The following DSCAM variants were observed in gnomAD, a reference collection of about 807,000 sequenced individuals.
The protein encoded by DSCAM is DS cell adhesion molecule.
A neutral mutation model predicts 217.7 loss-of-function variants in DSCAM; 47 were observed. The ratio of observed to expected loss-of-function variants is 0.22; its 90% CI spans 0.17 to 0.28. The LOEUF (loss-of-function observed/expected upper bound fraction) is 0.28, where lower values mean the gene tolerates loss of function less well. DSCAM is among the 10% of genes least tolerant of loss of function. DSCAM has a pLI of 1.00. For synonymous variants in DSCAM, 1,056 were observed against 1,015.3 expected (o/e 1.04, Z -0.76); for missense variants, 2,080 against 2,618.3 (o/e 0.79, Z 4.49).
At chr21:40,446,778 A>G (rs942247649) in intron 3 of DSCAM, among the ~76,000 whole-genome samples, 8 of 152,222 alleles carry the variant, frequency 5.3e-5, no homozygotes, top group African/African-American at 1.9e-4. Context: ...TAGAGCAACC[A>G]CATGTTCCCT....
intron 3 of DSCAM, among the ~76,000 whole-genome samples, chr21:40,597,235 G>A (rs1257663050): frequency 6.6e-6 from 1 of 152,108 alleles, no homozygotes; most frequent in East Asian, 1.9e-4. Context: ...TGACTGGAGG[G>A]CACTGCTACA....
At chr21:40,176,379 T>G (rs2090731325) in intron 15 of DSCAM, among the ~76,000 whole-genome samples, 2 of 151,500 alleles carry the variant, frequency 1.3e-5, no homozygotes, top group African/African-American at 4.9e-5. Flanking sequence ...TAAAAGTGAG[T>G]GGGCTGACAG....
At chr21:40,638,592 T>G (rs764887) in intron 3 of DSCAM, among the ~76,000 whole-genome samples, 76,461 of 151,956 alleles carry the variant, frequency 0.5, 19,340 homozygotes, top group Admixed American at 0.58. Context: ...TCGTTTCCTC[T>G]GCTCTTGCAT....
chr21:40,561,994 C>A (rs1239797579), intron 3 of DSCAM, among the ~76,000 whole-genome samples: 2 of 152,212 alleles, frequency 1.3e-5, no homozygotes, highest in Non-Finnish European at 2.9e-5. Flanking sequence ...ACTAAACAAA[C>A]TTAGCCATAT....
chr21:40,313,180 G>C (rs917410980), intron 8 of DSCAM, among the ~76,000 whole-genome samples: 12 of 150,372 alleles, frequency 8.0e-5, no homozygotes, highest in African/African-American at 2.9e-4. Context: ...TCTCTGTTAT[G>C]TCCAACTAAT....
intron 3 of DSCAM, among the ~76,000 whole-genome samples, chr21:40,674,962 T>C (rs1374260109): frequency 2.3e-4 from 35 of 152,152 alleles, no homozygotes; most frequent in Non-Finnish European, 1.5e-5. Flanking sequence ...AGTTAATATT[T>C]GTTACTAAGA....
intron 3 of DSCAM, among the ~76,000 whole-genome samples, chr21:40,441,252 T>C (rs1339683688): frequency 6.6e-6 from 1 of 152,128 alleles, no homozygotes; most frequent in Non-Finnish European, 1.5e-5. Flanking sequence ...AGACAGAGCC[T>C]TGTTGTTTAT....
chr21:40,457,994 CACG>C (rs1466925838), intron 3 of DSCAM, among the ~76,000 whole-genome samples: 1 of 151,990 alleles, frequency 6.6e-6, no homozygotes, highest in Non-Finnish European at 1.5e-5. Context: ...AATATGTGCA[CACG>C]ATGAAAATAT....
chr21:40,625,767 A>G (rs1238616889), intron 3 of DSCAM, among the ~76,000 whole-genome samples: 1 of 152,136 alleles, frequency 6.6e-6, no homozygotes, highest in African/African-American at 2.4e-5. Context: ...CATCTTTACA[A>G]AAAACACATA....
chr21:40,514,099 TC>T lies in DSCAM; in HGVS notation c.509-144855del, dbSNP rs373624692. On this transcript the variant is annotated intron_variant, in intron 3 of 32. Transcript: ENST00000400454. ...GCATGAACTTGAAGGCACACATTTT[TC>T]GTCAAAAATGTGCCAAAATGAAAGC... Among the ~76,000 whole-genome samples, 101 of 152,300 alleles carry T rather than the reference TC, an allele frequency of 6.6e-4. 2 individuals carry two copies. In the East Asian group the frequency reaches 0.019, roughly 28 times the overall value.
intron 1 of DSCAM, among the ~76,000 whole-genome samples, chr21:40,824,852 A>G (rs1349246806): frequency 1.3e-5 from 2 of 152,120 alleles, no homozygotes; most frequent in Non-Finnish European, 2.9e-5. Flanking sequence ...CACGTTTCCC[A>G]GTCAAAAGCA....
intron 3 of DSCAM, among the ~76,000 whole-genome samples, chr21:40,458,071 G>C (rs2075777853): frequency 6.6e-6 from 1 of 152,188 alleles, no homozygotes; most frequent in African/African-American, 2.4e-5. Context: ...TATGTCAATA[G>C]TGAGGGACTT....
chr21:40,049,717 T>C (rs1217341804), intron 30 of DSCAM, among the ~76,000 whole-genome samples: 1 of 152,216 alleles, frequency 6.6e-6, no homozygotes, highest in Non-Finnish European at 1.5e-5. Flanking sequence ...TCCAACTTTA[T>C]AGCCATGAGA....
chr21:40,029,039 C>G (rs1254809225), intron 32 of DSCAM, among the ~76,000 whole-genome samples: 1 of 152,042 alleles, frequency 6.6e-6, no homozygotes, highest in Non-Finnish European at 1.5e-5. Context: ...TTGTCTTCTT[C>G]CATAAGGGAT....
chr21:40,603,921 ATT>A (rs2077081806), intron 3 of DSCAM, among the ~76,000 whole-genome samples: 1 of 62,804 alleles, frequency 1.6e-5, no homozygotes, highest in Non-Finnish European at 3.1e-5. Context: ...ACTTTTTTGC[ATT>A]TCTTTTTTTT....
At chr21:40,415,766 G>A (rs1422811469) in intron 3 of DSCAM, among the ~76,000 whole-genome samples, 1 of 152,046 alleles carries the variant, frequency 6.6e-6, no homozygotes, top group East Asian at 1.9e-4. Flanking sequence ...CTCTTCGAGG[G>A]TCTTCTCATC....
chr21:40,152,850 TTC>T (rs1437929784), intron 16 of DSCAM, among the ~76,000 whole-genome samples: 3 of 152,224 alleles, frequency 2.0e-5, no homozygotes, highest in African/African-American at 7.2e-5. Flanking sequence ...ACCAGCCATG[TTC>T]TGTTTCCCTC....
intron 3 of DSCAM, among the ~76,000 whole-genome samples, chr21:40,442,506 ATTTTTTTTTTGT>A (rs2075639689): frequency 1.9e-5 from 2 of 107,102 alleles, no homozygotes; most frequent in Non-Finnish European, 1.9e-5. Context: ...AAGACCCCTA[ATTTTTTTTTTGT>A]TTTTTTTTTT....
At chr21:40,360,121 GTCTTTTTTTTT>G (rs1361534164) in intron 4 of DSCAM, among the ~76,000 whole-genome samples, 1 of 82,656 alleles carries the variant, frequency 1.2e-5, no homozygotes, top group Non-Finnish European at 2.2e-5. Flanking sequence ...TTCATAGGTA[GTCTTTTTTTTT>G]TTTTTTTTTT....
Sources: allele counts gnomAD v4.1 joint callset (sites outside exome capture counted in the v4.1 genomes callset), GRCh38; gene constraint gnomAD v4.1.1; transcripts MANE v1.5; gene names NCBI Gene and HGNC (gene_info 2026-07-23, HGNC 2026-07-21).